Variants in MAML3 observed in about 807,000 individuals in gnomAD.
MAML3 encodes mastermind like transcriptional coactivator 3, also known as mastermind-like protein 3.
Under a neutral mutation model 101.9 loss-of-function variants are expected in MAML3, and 27 were observed. The ratio of observed to expected loss-of-function variants is 0.27; its 90% CI spans 0.20 to 0.37. The LOEUF is 0.37. Among genes scored for constraint, MAML3 ranks in the 10% least tolerant of loss-of-function variants. MAML3 has a pLI of 1.00. For synonymous variants in MAML3, 501 were observed against 555.9 expected (o/e 0.90, Z 1.39); for missense variants, 1,316 against 1,444.9 (o/e 0.91, Z 1.45).
intron 2 of MAML3, among the ~76,000 whole-genome samples, chr4:139,864,922 G>GATT (rs1731864895): frequency 9.6e-5 from 1 of 10,438 alleles, no homozygotes; most frequent in Non-Finnish European, 1.6e-4. Context: ...ATGCAAACTT[G>GATT]CTTTTTTTTT....
At chr4:140,037,527 A>G (rs1160649951) in intron 1 of MAML3, among the ~76,000 whole-genome samples, 2 of 152,242 alleles carry the variant, frequency 1.3e-5, no homozygotes, top group African/African-American at 2.4e-5. Flanking sequence ...GTAATGCCCT[A>G]TGTCTACAAG....
At chr4:139,784,076 C>A (rs553176497) in intron 2 of MAML3, among the ~76,000 whole-genome samples, 1 of 152,312 alleles carries the variant, frequency 6.6e-6, no homozygotes, top group Admixed American at 6.5e-5. Context: ...CACACAACAG[C>A]TTTCTCTGAT....
chr4:139,849,646 T>C (rs1731513621), intron 2 of MAML3, among the ~76,000 whole-genome samples: 1 of 152,210 alleles, frequency 6.6e-6, no homozygotes, highest in South Asian at 2.1e-4. Flanking sequence ...GAAAATTACT[T>C]GCACTGTAAC....
intron 3 of MAML3, 108 bp downstream of exon 3, chr4:139,730,308 G>T: frequency 1.0e-6 from 1 of 954,660 alleles, no homozygotes; most frequent in Non-Finnish European, 1.6e-6. Flanking sequence ...GCTAGACCGT[G>T]AGCATCTTGA....
chr4:139,768,947 A>G (rs1485055145), intron 2 of MAML3, among the ~76,000 whole-genome samples: 1 of 152,214 alleles, frequency 6.6e-6, no homozygotes, highest in Non-Finnish European at 1.5e-5. Flanking sequence ...CATTGACAGA[A>G]GGTGTACATG....
At chr4:139,725,206 A>G (rs544991265) in intron 4 of MAML3, among the ~76,000 whole-genome samples, 1 of 152,336 alleles carries the variant, frequency 6.6e-6, no homozygotes, top group African/African-American at 2.4e-5. Flanking sequence ...GATCAGTTCA[A>G]TCAGCCTCAA....
chr4:139,926,658 GTAATTAATTAAAGCCTC>G (rs1338897575), intron 1 of MAML3, among the ~76,000 whole-genome samples: 1 of 152,188 alleles, frequency 6.6e-6, no homozygotes, highest in Non-Finnish European at 1.5e-5. Flanking sequence ...GACAATTTAT[GTAATTAATTAAAGCCTC>G]TAATTTTTTT....
intron 1 of MAML3, among the ~76,000 whole-genome samples, chr4:139,948,057 G>A (rs943389889): frequency 6.6e-6 from 1 of 151,648 alleles, no homozygotes; most frequent in Non-Finnish European, 1.5e-5. Context: ...CCAAGATCAC[G>A]CCATTGCACG....
At chr4:140,012,923 G>A (rs900675576) in intron 1 of MAML3, among the ~76,000 whole-genome samples, 1 of 152,112 alleles carries the variant, frequency 6.6e-6, no homozygotes, top group Non-Finnish European at 1.5e-5. Flanking sequence ...TCCCATAAAA[G>A]CACACAATAT....
At chr4:140,012,137 A>C (rs1215690398) in intron 1 of MAML3, among the ~76,000 whole-genome samples, 61 of 152,216 alleles carry the variant, frequency 4.0e-4, no homozygotes, top group Non-Finnish European at 1.0e-4. Flanking sequence ...GGGAATTCTT[A>C]TAAGTTTGGC....
rs1728659630 is a variant in MAML3, at chr4:139,730,480, T to A, written c.2267A>T (p.Gln756Leu). ...CTGCCTTTGCTCCCGCAGGAACTGT[T>A]GCTTCTGCTGCTCTATCAACTGGGC... ...QRAQLIEQQK[Q>L]QFLREQRQQQ... Residue 756 changes from glutamine (Q) to leucine (L), a missense_variant, in exon 3 of 5, where the codon CAA becomes CTA. Gln to Leu is a moderately radical substitution (Grantham distance 113). Transcript: ENST00000509479. 1 of 1,553,066 alleles carries A rather than the reference T, an allele frequency of 6.4e-7. No individual in the cohort carries two copies. The highest frequency in any genetic ancestry group is 2.0e-5 in the Admixed American group (1 of 51,082).
At chr4:139,959,535 C>A (rs1439492468) in intron 1 of MAML3, among the ~76,000 whole-genome samples, 1 of 152,146 alleles carries the variant, frequency 6.6e-6, no homozygotes, top group Non-Finnish European at 1.5e-5. Context: ...AAAAAACAAA[C>A]AAACAAACAA....
intron 1 of MAML3, among the ~76,000 whole-genome samples, chr4:139,913,510 A>T (rs770116815): frequency 6.6e-6 from 1 of 152,098 alleles, no homozygotes; most frequent in East Asian, 1.9e-4. Context: ...CTTGAGTTTC[A>T]TGGGGGAAAA....
chr4:139,932,269 G>T (rs752642785), intron 1 of MAML3, among the ~76,000 whole-genome samples: 5 of 151,092 alleles, frequency 3.3e-5, no homozygotes, highest in Non-Finnish European at 2.9e-5. Flanking sequence ...TGATATCTTG[G>T]AATTTTTTTA....
intron 1 of MAML3, among the ~76,000 whole-genome samples, chr4:139,957,063 A>T (rs576530637): frequency 7.6e-4 from 116 of 152,336 alleles, no homozygotes; most frequent in African/African-American, 2.7e-3. Context: ...GTCCAACGTC[A>T]CACAGCTGGA....
chr4:139,874,892 C>G (rs1732080055), intron 2 of MAML3, among the ~76,000 whole-genome samples: 1 of 151,496 alleles, frequency 6.6e-6, no homozygotes, highest in Non-Finnish European at 1.5e-5. Context: ...CAAGCTCCTC[C>G]TCCTGGGTTC....
chr4:139,941,172 A>C lies in MAML3; in HGVS notation c.469-50205T>G, dbSNP rs77914664. The stretch of plus-strand genomic sequence containing the variant: ...TTTCTCTTTTTAGATTTAGCTGTAC[A>C]TTATTGGCAACACATACTGCCCAGA... On this transcript the variant is annotated intron_variant, in intron 1 of 4. Transcript: ENST00000509479. Among the ~76,000 whole-genome samples, 6 of 152,340 alleles carry C rather than the reference A, an allele frequency of 3.9e-5. No homozygotes were observed. In the East Asian group the frequency reaches 1.2e-3, roughly 29 times the overall value.
chr4:140,149,935 C>CTTT (rs1729127134), intron 1 of MAML3, among the ~76,000 whole-genome samples: 1 of 50,110 alleles, frequency 2.0e-5, no homozygotes. Flanking sequence ...GAGCATGTTT[C>CTTT]TTTCTTTTTT....
chr4:140,117,270 C>T (rs565756763), intron 1 of MAML3, among the ~76,000 whole-genome samples: 75 of 152,164 alleles, frequency 4.9e-4, no homozygotes, highest in African/African-American at 1.7e-3. Context: ...ATATCTCCCT[C>T]GTATTTTCTT....
Sources: gnomAD v4.1 joint callset for allele counts (sites outside exome capture counted in the v4.1 genomes callset) on GRCh38, gnomAD v4.1.1 for gene constraint, MANE v1.5 for transcripts, NCBI Gene and HGNC (gene_info 2026-07-23, HGNC 2026-07-21) for gene names.